Variants in CAST observed in about 807,000 individuals in gnomAD.
The protein encoded by CAST is calpastatin, also known as MIR583 host.
Under a neutral mutation model 119.6 loss-of-function variants are expected in CAST, and 76 were observed. The observed-to-expected ratio is 0.64, with a 90% CI of 0.53 to 0.77. The LOEUF is 0.77. Ranked by LOEUF, CAST falls within the 30% of genes least tolerant of loss-of-function variation. CAST has a pLI of 0.00. For missense variants in CAST, 953 were observed against 946.5 expected (o/e 1.01, Z -0.09); for synonymous variants, 319 against 331.6 (o/e 0.96, Z 0.41).
chr5:96,432,145 G>C, the CAST span: 1 of 1,535,180 alleles, frequency 6.5e-7, no homozygotes, highest in South Asian at 1.2e-5. Flanking sequence ...TCTCGACCCT[G>C]CAGTGGGACT....
chr5:96,427,517 C>T, the CAST span, among the ~76,000 whole-genome samples: 2 of 152,126 alleles, frequency 1.3e-5, no homozygotes, highest in African/African-American at 4.8e-5. Context: ...TATTCTTGGG[C>T]TAATTTTTTA....
the CAST span, among the ~76,000 whole-genome samples, chr5:96,187,567 G>T: frequency 6.6e-6 from 1 of 152,140 alleles, no homozygotes; most frequent in African/African-American, 2.4e-5. Flanking sequence ...TAGTTTCAAA[G>T]AACTTCTTGT....
At chr5:96,393,380 T>G in the CAST span, 1 of 1,613,630 alleles carries the variant, frequency 6.2e-7, no homozygotes, top group Non-Finnish European at 8.5e-7. Flanking sequence ...GGGCTGCTCC[T>G]AAAACATAGA....
chr5:96,157,777 G>A, the CAST span, among the ~76,000 whole-genome samples: 2 of 152,180 alleles, frequency 1.3e-5, no homozygotes, highest in East Asian at 1.9e-4. Flanking sequence ...AAGCTGTGGT[G>A]TTTAAAGAAC....
rs750483362 is a variant in CAST at position 96,726,777 on chromosome 5, C to T, written c.271-17C>T. The T allele has an allele frequency of 3.8e-6, 6 of 1,585,272 alleles. No homozygotes were observed. Among genetic ancestry groups the T allele is most frequent in the East Asian group, 4.5e-5 (2 of 44,768 alleles). ...AGATAAAATAAAATTATACCTGGGG[C>T]TGTGCTCTTATATTAGGCCATTCCA... is the stretch of plus-strand genomic sequence containing the variant. On this transcript the variant is annotated splice_polypyrimidine_tract_variant and intron_variant, in intron 4 of 31. Transcript: ENST00000675179.
At chr5:96,615,043 G>A (rs1168681117) in intron 1 of CAST, among the ~76,000 whole-genome samples, 5 of 152,200 alleles carry the variant, frequency 3.3e-5, no homozygotes, top group African/African-American at 9.7e-5. Flanking sequence ...TATGCATTCA[G>A]TAGAAGCTGT....
chr5:96,344,100 G>T, the CAST span, among the ~76,000 whole-genome samples: 1 of 152,148 alleles, frequency 6.6e-6, no homozygotes, highest in African/African-American at 2.4e-5. Context: ...CCTTTGTCAG[G>T]CTGGCAGCTT....
chr5:96,742,538 C>T (rs889423660), intron 15 of CAST, 117 bp from the exon 16 acceptor site: 3 of 696,392 alleles, frequency 4.3e-6, no homozygotes, highest in Admixed American at 2.7e-5. Flanking sequence ...CTTTCTAGAG[C>T]ACTTCCCCAA....
the CAST span, among the ~76,000 whole-genome samples, chr5:96,342,706 G>A: frequency 2.6e-5 from 4 of 152,114 alleles, no homozygotes; most frequent in East Asian, 1.9e-4. Flanking sequence ...ATAGCTAGCC[G>A]TATGACTCCT....
At chr5:96,201,965 AAT>A in the CAST span, among the ~76,000 whole-genome samples, 83 of 152,124 alleles carry the variant, frequency 5.5e-4, 1 homozygote, top group African/African-American at 2.0e-3. Context: ...AATAAAATAA[AAT>A]AAAATAAGAT....
the CAST span, among the ~76,000 whole-genome samples, chr5:96,225,712 A>C: frequency 6.6e-6 from 1 of 152,178 alleles, no homozygotes; most frequent in African/African-American, 2.4e-5. Flanking sequence ...GTCTTTGTAG[A>C]TCTAACAGAA....
chr5:96,472,808 A>T, the CAST span, among the ~76,000 whole-genome samples: 1 of 152,220 alleles, frequency 6.6e-6, no homozygotes, highest in Non-Finnish European at 1.5e-5. Flanking sequence ...TTAGATTCCA[A>T]ATCTAATTAC....
the CAST span, among the ~76,000 whole-genome samples, chr5:96,489,649 C>G: frequency 6.6e-6 from 1 of 152,096 alleles, no homozygotes; most frequent in Non-Finnish European, 1.5e-5. Flanking sequence ...TCCTGTCTTT[C>G]CCAGCATGAC....
At chr5:96,625,212 C>G (rs1747697873) in intron 1 of CAST, among the ~76,000 whole-genome samples, 1 of 152,132 alleles carries the variant, frequency 6.6e-6, no homozygotes, top group Non-Finnish European at 1.5e-5. Context: ...TTTAGGACTA[C>G]TAGTTAGTAT....
chr5:96,115,219 C>T, the CAST span, among the ~76,000 whole-genome samples: 1 of 152,198 alleles, frequency 6.6e-6, no homozygotes. Context: ...CATCTGTGCT[C>T]TCAACAGTAC....
intron 15 of CAST, 117 bp downstream of exon 15, chr5:96,741,697 T>G: frequency 1.5e-6 from 1 of 683,688 alleles, no homozygotes; most frequent in Non-Finnish European, 2.6e-6. Context: ...CCCTCTCAGG[T>G]CTATGTGGAA....
the CAST span, among the ~76,000 whole-genome samples, chr5:96,444,888 T>C: frequency 1.3e-5 from 2 of 152,260 alleles, no homozygotes. Context: ...TAGATCACAG[T>C]TGAGAGCGAG....
chr5:96,149,595 T>A, the CAST span, among the ~76,000 whole-genome samples: 1 of 152,002 alleles, frequency 6.6e-6, no homozygotes, highest in South Asian at 2.1e-4. Context: ...ATCATGGGGG[T>A]TAGGGTTACT....
chr5:96,499,192 G>A, the CAST span, among the ~76,000 whole-genome samples: 2 of 152,284 alleles, frequency 1.3e-5, no homozygotes, highest in East Asian at 3.9e-4. Flanking sequence ...GTTCCCTAGT[G>A]TGGAAGAATT....
Sources: allele counts gnomAD v4.1 joint callset (sites outside exome capture counted in the v4.1 genomes callset), GRCh38; gene constraint gnomAD v4.1.1; transcripts MANE v1.5; gene names NCBI Gene and HGNC (gene_info 2026-07-23, HGNC 2026-07-21).